NCKAP1L: variants seen among roughly 807,000 people sequenced by gnomAD.
The protein encoded by NCKAP1L is NCK associated protein 1 like, also known as nck-associated protein 1-like.
In NCKAP1L, 53 loss-of-function variants were observed where a neutral mutation model predicts 139.2. The observed-to-expected ratio is 0.38, with a 90% CI of 0.31 to 0.48. The LOEUF is 0.48. Ranked by LOEUF, NCKAP1L falls within the 20% of genes least tolerant of loss-of-function variation. NCKAP1L has a pLI of 0.98. For missense variants in NCKAP1L, 1,151 were observed against 1,381.9 expected (o/e 0.83, Z 2.65); for synonymous variants, 468 against 499.7 (o/e 0.94, Z 0.85).
In NCKAP1L at chr12:54,518,955, G is replaced by T. The variant is rs374229932; in HGVS notation, c.1462G>T (p.Asp488Tyr). The change falls in exon 15 of 31, where the codon GAC becomes TAC. Residue 488 changes from aspartate to tyrosine, a missense_variant. Physicochemically the swap from Asp to Tyr is radical, Grantham distance 160. Coordinates refer to ENST00000293373, the MANE Select transcript of NCKAP1L (RefSeq NM_005337.5). ...EKFEFSGLRL[D>Y]WFRLQAYTSV... ...ATTTGAATTCTCAGGATTGAGGCTGGACTGGTTCCGCCTACAGGTAATGAT... is the reference window on the plus strand; with the variant it reads ...ATTTGAATTCTCAGGATTGAGGCTGTACTGGTTCCGCCTACAGGTAATGAT... 4 of 1,613,612 alleles carry T rather than the reference G, an allele frequency of 2.5e-6. No individual in the cohort carries two copies. Among genetic ancestry groups the T allele is most frequent in the Admixed American group, 1.7e-5 (1 of 59,998 alleles).
Position 54,511,977 on chromosome 12 carries a change from C to T in NCKAP1L, c.813C>T (p.Leu271=), listed in dbSNP as rs1408846758. The change falls in exon 9 of 31, where the codon CTC becomes CTT. Residue 271 remains leucine (L), a synonymous_variant. Coordinates refer to ENST00000293373, the MANE Select transcript of NCKAP1L (RefSeq NM_005337.5). ...GGTTTCTTCTTTGTCATGGGTGCCT[C>T]AACTCCAATAGCCAGTGCCAGAAGC... ...IIGFLLCHGC[L]NSNSQCQKLW... is the part of the protein sequence containing the mutation. The T allele has an allele frequency of 1.2e-6, 2 of 1,614,092 alleles. No individual in the cohort carries two copies. Among genetic ancestry groups the T allele is most frequent in the Non-Finnish European group, 1.7e-6 (2 of 1,180,048 alleles).
rs2120997022 is a variant in NCKAP1L at position 54,547,358 on chromosome 12, T to G, written c.*4673T>G. The G allele has an allele frequency of 6.6e-6, 1 of 152,334 alleles. No homozygotes were observed. Among genetic ancestry groups the G allele is most frequent in the Admixed American group, 6.5e-5 (1 of 15,302 alleles). The allele number at this position is 152,334 out of a possible 1,614,324, so 9.4% of individuals were successfully genotyped here. A position where few individuals can be genotyped will look rare whatever the true frequency, so the allele number is the denominator to read the frequency against. ...TCTCTGTGAGACCCTATAATTTTTCTGGGTTAGTTTAGTTCTCATTTATTT... is the reference window on the plus strand; with the variant it reads ...TCTCTGTGAGACCCTATAATTTTTCGGGGTTAGTTTAGTTCTCATTTATTT... On this transcript the variant is annotated 3_prime_UTR_variant, in exon 31 of 31. Coordinates refer to ENST00000293373, the MANE Select transcript of NCKAP1L (RefSeq NM_005337.5).
intron 5 of NCKAP1L, among the ~76,000 whole-genome samples, chr12:54,509,444 A>AATTTC (rs1403786998): frequency 2.6e-5 from 4 of 152,166 alleles, no homozygotes; most frequent in Non-Finnish European, 5.9e-5. Context: ...TAAGGAAGAA[A>AATTTC]ATTTCATGGA....
At position 54,537,421 on chromosome 12, in the gene NCKAP1L, C is replaced by T. The variant is rs952576103; in HGVS notation, c.3183+368C>T. Reference sequence around the variant, plus strand: ...CTGAACCCATGAATTCAGATTAAACCGAATCCATGAACCTTGGTATGCATC... The same window carrying T: ...CTGAACCCATGAATTCAGATTAAACTGAATCCATGAACCTTGGTATGCATC... On this transcript the variant is annotated intron_variant, in intron 29 of 30. Coordinates refer to ENST00000293373, the MANE Select transcript of NCKAP1L (RefSeq NM_005337.5). 3.9e-5 allele frequency among the ~76,000 whole-genome samples: 6 copies of T among 152,192 alleles called. No individual in the cohort carries two copies. In the East Asian group the frequency reaches 5.8e-4, roughly 15 times the overall value.
At chr12:54,501,075 A>G (rs945523149) in intron 3 of NCKAP1L, 1 of 152,896 alleles carries the variant, frequency 6.5e-6, no homozygotes, top group Non-Finnish European at 1.5e-5. Flanking sequence ...TTCACCTTGT[A>G]AACCTGAAAC....
chr12:54,513,595 G>A (rs1956905914), intron 9 of NCKAP1L, among the ~76,000 whole-genome samples: 1 of 152,194 alleles, frequency 6.6e-6, no homozygotes, highest in East Asian at 1.9e-4. Flanking sequence ...TAGAAGGAAG[G>A]ACCAGTGATC....
rs1957203213 is a variant in NCKAP1L, at chr12:54,547,034, C to T, written c.*4349C>T. ...TTAGGGGAGTGAGGAGGCAGAGCCT[C>T]CTAGGGGTAGGGGGCAGTTTAGAAG... On this transcript the variant is annotated 3_prime_UTR_variant, in exon 31 of 31. Coordinates refer to ENST00000293373, the MANE Select transcript of NCKAP1L (RefSeq NM_005337.5). 6.6e-6 allele frequency: 1 copy of T among 152,106 alleles called. No individual in the cohort carries two copies. The highest frequency in any genetic ancestry group is 2.4e-5 in the African/African-American group (1 of 41,458). 9.4% of individuals were successfully genotyped at this position (152,106 alleles called of 1,614,324 possible).
chr12:54,541,499 G>A (rs1379013231), intron 30 of NCKAP1L, among the ~76,000 whole-genome samples: 1 of 149,520 alleles, frequency 6.7e-6, no homozygotes, highest in Non-Finnish European at 1.5e-5. Flanking sequence ...TGAAAGTCTT[G>A]CCTAGCAAGA....
intron 3 of NCKAP1L, among the ~76,000 whole-genome samples, chr12:54,503,004 CAAA>C (rs77302715): frequency 8.4e-5 from 7 of 83,648 alleles, no homozygotes; most frequent in Admixed American, 1.3e-4. Context: ...GACTTTGTCT[CAAA>C]AAAAAAAAAA....
intron 11 of NCKAP1L, 58 bp from the exon 12 acceptor site, chr12:54,517,475 G>A: frequency 9.0e-7 from 1 of 1,112,234 alleles, no homozygotes; most frequent in Non-Finnish European, 1.4e-6. Flanking sequence ...AGTTTACTCT[G>A]TGCTTTGAAA....
At chr12:54,529,428 T>C (rs771875354) in intron 22 of NCKAP1L, among the ~76,000 whole-genome samples, 8 of 152,220 alleles carry the variant, frequency 5.3e-5, no homozygotes, top group African/African-American at 1.9e-4. Context: ...TTCTTTCTCC[T>C]TCCTCTCACC....
intron 24 of NCKAP1L, 78 bp from the exon 25 acceptor site, chr12:54,531,665 T>C (rs1592350917): frequency 6.2e-7 from 1 of 1,600,026 alleles, no homozygotes; most frequent in African/African-American, 1.3e-5. Flanking sequence ...ATCTGGAGGC[T>C]AGGCGGGGTC....
intron 3 of NCKAP1L, among the ~76,000 whole-genome samples, chr12:54,506,566 A>G (rs909544601): frequency 6.7e-6 from 1 of 149,858 alleles, no homozygotes; most frequent in African/African-American, 2.4e-5. Flanking sequence ...GGCTGTGATT[A>G]CAGGCATGTG....
chr12:54,529,029 T>G (rs917815777), intron 22 of NCKAP1L, among the ~76,000 whole-genome samples: 1 of 152,172 alleles, frequency 6.6e-6, no homozygotes, highest in Non-Finnish European at 1.5e-5. Flanking sequence ...TACATGACAT[T>G]TATTGTGGGC....
chr12:54,542,840 C>G lies in NCKAP1L; in HGVS notation c.*155C>G. On this transcript the variant is annotated 3_prime_UTR_variant, in exon 31 of 31. Transcript: ENST00000293373. ...GTTGATGAGCAGATCTGTGGAAGAACAATCCAGGGCTGAGAAATCGTAGAG... is the reference window on the plus strand; with the variant it reads ...GTTGATGAGCAGATCTGTGGAAGAAGAATCCAGGGCTGAGAAATCGTAGAG... 1.7e-6 allele frequency: 1 copy of G among 574,192 alleles called. No homozygotes were observed. Among genetic ancestry groups the G allele is most frequent in the South Asian group, 2.3e-5 (1 of 42,816 alleles). 35.6% of individuals were successfully genotyped at this position (574,192 alleles called of 1,614,324 possible).
intron 22 of NCKAP1L, 149 bp downstream of exon 22, chr12:54,528,526 A>G: frequency 1.1e-6 from 1 of 885,578 alleles, no homozygotes; most frequent in South Asian, 1.7e-5. Context: ...CTTTTGCACC[A>G]ACCTAATAGT....
At chr12:54,528,929 C>G (rs1000010931) in intron 22 of NCKAP1L, among the ~76,000 whole-genome samples, 1 of 152,122 alleles carries the variant, frequency 6.6e-6, no homozygotes, top group Non-Finnish European at 1.5e-5. Flanking sequence ...GCCACCACCC[C>G]CAGCCAGCGT....
intron 11 of NCKAP1L, among the ~76,000 whole-genome samples, chr12:54,517,288 T>C (rs957253295): frequency 2.6e-5 from 4 of 152,232 alleles, no homozygotes; most frequent in African/African-American, 4.8e-5. Context: ...AAATGCCCAG[T>C]AAATATTTCT....
chr12:54,531,393 A>G (rs1176608348), intron 23 of NCKAP1L, 36 bp downstream of exon 23: 2 of 1,607,982 alleles, frequency 1.2e-6, no homozygotes, highest in South Asian at 1.1e-5. Flanking sequence ...AAAAGATCCT[A>G]CCTTGAGGAA....
Sources: gnomAD v4.1 joint callset for allele counts (sites outside exome capture counted in the v4.1 genomes callset) on GRCh38, gnomAD v4.1.1 for gene constraint, MANE v1.5 for transcripts, NCBI Gene and HGNC (gene_info 2026-07-23, HGNC 2026-07-21) for gene names.